EEF1G: variants seen among roughly 807,000 people sequenced by gnomAD.
EEF1G encodes the protein eukaryotic translation elongation factor 1 gamma.
Under a neutral mutation model 58.3 loss-of-function variants are expected in EEF1G, and 14 were observed. The observed-to-expected ratio is 0.24, with a 90% CI of 0.16 to 0.38. The LOEUF (loss-of-function observed/expected upper bound fraction) is 0.38, where lower values mean the gene tolerates loss of function less well. Among genes scored for constraint, EEF1G ranks in the 10% least tolerant of loss-of-function variants. The pLI is 1.00. For missense variants in EEF1G, 322 were observed against 550.1 expected (o/e 0.59, Z 4.15); for synonymous variants, 180 against 206.8 (o/e 0.87, Z 1.11).
intron 7 of EEF1G, among the ~76,000 whole-genome samples, chr11:62,563,866 A>C (rs1941526952): frequency 1.3e-5 from 2 of 152,082 alleles, no homozygotes; most frequent in Non-Finnish European, 1.5e-5. Flanking sequence ...TGCATAAGAG[A>C]CCTCATCTGA....
chr11:62,566,078 G>C (rs539610859), intron 7 of EEF1G, among the ~76,000 whole-genome samples: 31 of 152,268 alleles, frequency 2.0e-4, no homozygotes, highest in African/African-American at 7.5e-4. Flanking sequence ...CAAACTGCTT[G>C]AACTCCCAAT....
intron 4 of EEF1G, 44 bp from the exon 5 acceptor site, chr11:62,571,152 C>T (rs1418340745): frequency 1.2e-6 from 2 of 1,613,098 alleles, no homozygotes; most frequent in South Asian, 2.2e-5. Context: ...GTACCAATCC[C>T]TTTCCCTCAC....
chr11:62,561,144 G>A (rs1479874849), intron 7 of EEF1G, among the ~76,000 whole-genome samples: 27 of 152,034 alleles, frequency 1.8e-4, no homozygotes, highest in Admixed American at 1.8e-3. Flanking sequence ...GGTGGCTCAC[G>A]CCTGTAATCC....
chr11:62,565,095 AC>A (rs1305069797), intron 7 of EEF1G, among the ~76,000 whole-genome samples: 1 of 151,780 alleles, frequency 6.6e-6, no homozygotes, highest in Non-Finnish European at 1.5e-5. Flanking sequence ...CCAAAAAAAA[AC>A]AAAAAACACA....
At position 62,570,951 on chromosome 11, in the gene EEF1G, TC is replaced by T. The variant is rs1312111960; in HGVS notation, c.522+13del. On this transcript the variant is annotated intron_variant, in intron 5 of 9. Transcript: ENST00000329251. Reference sequence around the variant, plus strand: ...CATCTACCCACTGCCAAATGGATTTTCCATAAACTTCACCTGCTTATAGAGC... The same window carrying T: ...CATCTACCCACTGCCAAATGGATTTTCATAAACTTCACCTGCTTATAGAGC... 1.2e-6 allele frequency: 2 copies of T among 1,613,748 alleles called. No individual in the cohort carries two copies. The highest frequency in any genetic ancestry group is 2.2e-5 in the South Asian group (2 of 91,080).
At chr11:62,567,073 CCA>C in intron 6 of EEF1G, 63 bp from the exon 7 acceptor site, 2 of 1,545,504 alleles carry the variant, frequency 1.3e-6, no homozygotes, top group South Asian at 1.1e-5. Context: ...CCCTCCAAAA[CCA>C]CACAGAGCAA....
chr11:62,570,668 C>A (rs1264085542), intron 5 of EEF1G, among the ~76,000 whole-genome samples: 1 of 152,156 alleles, frequency 6.6e-6, no homozygotes, highest in Non-Finnish European at 1.5e-5. Flanking sequence ...GATTCTTGTG[C>A]CTCAGCCTCC....
At position 62,559,749 on chromosome 11, in the gene EEF1G, T is replaced by C; in HGVS notation, c.1244A>G (p.Glu415Gly). The change falls in exon 10 of 10, where the codon GAG becomes GGG. Residue 415 changes from glutamate to glycine, a missense_variant. Transcript: ENST00000329251. ...GAAGGCCCCCTCCCAGGAAAAGTACTCTCGAACCAGCGTCTGGGTCTCCTC... is the reference window on the plus strand; with the variant it reads ...GAAGGCCCCCTCCCAGGAAAAGTACCCTCGAACCAGCGTCTGGGTCTCCTC... ...GSEETQTLVR[E>G]YFSWEGAFQH... The C allele has an allele frequency of 6.2e-7, 1 of 1,613,942 alleles. No individual in the cohort carries two copies. The highest frequency in any genetic ancestry group is 8.5e-7 in the Non-Finnish European group (1 of 1,179,876).
rs907260700 is a variant in EEF1G, at chr11:62,567,016, G to A, written c.653-6C>T. 2 of 1,613,592 alleles carry A rather than the reference G, an allele frequency of 1.2e-6. No individual in the cohort carries two copies. The highest frequency in any genetic ancestry group is 1.3e-5 in the African/African-American group (1 of 74,944). On this transcript the variant is annotated splice_polypyrimidine_tract_variant and splice_region_variant and intron_variant, in intron 6 of 9. Coordinates refer to ENST00000329251, the MANE Select transcript of EEF1G (RefSeq NM_001404.5). ...GGTCTCTGCAAACTTTTTAGCTGGT[G>A]CAGAGGAAGGCAGGAAAGTGAACGA... is the stretch of plus-strand genomic sequence containing the variant.
chr11:62,560,751 C>T (rs1941484477), intron 7 of EEF1G, among the ~76,000 whole-genome samples: 1 of 152,140 alleles, frequency 6.6e-6, no homozygotes, highest in African/African-American at 2.4e-5. Flanking sequence ...GTGAGGACTT[C>T]TTTTTCCCTG....
chr11:62,568,757 G>A (rs1208367397), intron 5 of EEF1G, among the ~76,000 whole-genome samples: 2 of 152,090 alleles, frequency 1.3e-5, no homozygotes, highest in Non-Finnish European at 2.9e-5. Flanking sequence ...CAGATAACCT[G>A]AGGTCAGGAG....
chr11:62,573,531 T>A (rs1440666409), intron 1 of EEF1G: 1 of 535,754 alleles, frequency 1.9e-6, no homozygotes, highest in African/African-American at 1.9e-5. Context: ...TTCGTCAACC[T>A]GCCCAGATAC....
At chr11:62,561,262 TG>T (rs757890371) in intron 7 of EEF1G, among the ~76,000 whole-genome samples, 23 of 151,572 alleles carry the variant, frequency 1.5e-4, no homozygotes, top group Non-Finnish European at 3.2e-4. Flanking sequence ...AAAAATTAGC[TG>T]GGCGTGGTGG....
chr11:62,559,924 C>T, intron 9 of EEF1G, 87 bp from the exon 10 acceptor site: 7 of 1,608,172 alleles, frequency 4.4e-6, no homozygotes, highest in South Asian at 1.1e-5. Flanking sequence ...TGTCATCAGA[C>T]CCCAGGTCTC....
At position 62,564,758 on chromosome 11, in the gene EEF1G, CAAAAAAAAAAA is replaced by C. The variant is rs34663205; in HGVS notation, c.857+2037_857+2047del. On this transcript the variant is annotated intron_variant, in intron 7 of 9. Coordinates refer to ENST00000329251, the MANE Select transcript of EEF1G (RefSeq NM_001404.5). ...TGGGCGACAGAGCCAGACTCCATCT[CAAAAAAAAAAA>C]AAAAAAAAAAAAAGGGGGCCAGGCA... 9.2e-4 allele frequency among the ~76,000 whole-genome samples: 69 copies of C among 75,026 alleles called. 1 individual carries two copies. Among genetic ancestry groups the C allele is most frequent in the African/African-American group, 4.0e-3 (53 of 13,190 alleles). The allele number at this position is 75,026 out of a possible 152,430, so 49.2% of individuals were successfully genotyped here. A position where few individuals can be genotyped will look rare whatever the true frequency, so the allele number is the denominator to read the frequency against.
intron 7 of EEF1G, among the ~76,000 whole-genome samples, chr11:62,562,115 GTTGCT>G (rs781066212): frequency 6.6e-6 from 1 of 152,218 alleles, no homozygotes; most frequent in Non-Finnish European, 1.5e-5. Flanking sequence ...ACCTGGTACG[GTTGCT>G]TTTTGTAACC....
intron 5 of EEF1G, among the ~76,000 whole-genome samples, chr11:62,568,254 G>A (rs1261752173): frequency 6.6e-6 from 1 of 151,052 alleles, no homozygotes; most frequent in Non-Finnish European, 1.5e-5. Flanking sequence ...TGGGCGTGGT[G>A]GCACGTGCCT....
At chr11:62,567,377 C>T in intron 6 of EEF1G, 22 bp downstream of exon 6, 2 of 1,597,840 alleles carry the variant, frequency 1.3e-6, no homozygotes, top group Non-Finnish European at 8.5e-7. Flanking sequence ...GGCCATATGC[C>T]TCCCAGTCTC....
intron 5 of EEF1G, among the ~76,000 whole-genome samples, chr11:62,569,765 TCCC>T (rs2134295765): frequency 6.6e-6 from 1 of 152,312 alleles, no homozygotes; most frequent in South Asian, 2.1e-4. Flanking sequence ...ACTAAGATGA[TCCC>T]CATGAGGCCC....
Sources: gnomAD v4.1 joint callset for allele counts (sites outside exome capture counted in the v4.1 genomes callset) on GRCh38, gnomAD v4.1.1 for gene constraint, MANE v1.5 for transcripts, NCBI Gene and HGNC (gene_info 2026-07-23, HGNC 2026-07-21) for gene names.